GARIN6: variants seen among roughly 807,000 people sequenced by gnomAD.
GARIN6 encodes the protein golgi associated RAB2 interactor family member 6.
chr12:99,649,808 TCTCTCTGCTACTCAAAGGCTGA>T, the GARIN6 span: 2,822 of 157,844 alleles, frequency 0.018, 87 homozygotes, highest in African/African-American at 0.064. Context: ...ATTGACAGTA[TCTCTCTGCTACTCAAAGGCTGA>T]CTCTCTGCTA....
chr12:99,648,771 A>C, the GARIN6 span: 1 of 1,611,444 alleles, frequency 6.2e-7, no homozygotes, highest in Non-Finnish European at 8.5e-7. Context: ...TGTTGGAGGA[A>C]GTGCAGAGGA....
the GARIN6 span, chr12:99,648,898 G>C: frequency 7.0e-7 from 1 of 1,419,872 alleles, no homozygotes; most frequent in Non-Finnish European, 9.3e-7. Context: ...CATTGCATTT[G>C]GAAGGTCTGA....
At chr12:99,648,094 C>G in the GARIN6 span, 1 of 1,530,026 alleles carries the variant, frequency 6.5e-7, no homozygotes, top group Non-Finnish European at 8.8e-7. Flanking sequence ...CCAGAGTAGC[C>G]AAGGAAACAG....
the GARIN6 span, chr12:99,648,727 G>T: frequency 6.2e-7 from 1 of 1,613,916 alleles, no homozygotes; most frequent in Non-Finnish European, 8.5e-7. Context: ...TGATACCAGG[G>T]CTATCCTAGC....
chr12:99,647,924 G>A, the GARIN6 span: 2 of 495,662 alleles, frequency 4.0e-6, no homozygotes, highest in Non-Finnish European at 7.1e-6. Flanking sequence ...CAACACCTGT[G>A]CTCCTGACAG....
chr12:99,648,422 CTGA>C, the GARIN6 span: 1 of 1,614,192 alleles, frequency 6.2e-7, no homozygotes, highest in East Asian at 2.2e-5. Flanking sequence ...CTCACACTAC[CTGA>C]TGTCATGCTG....
the GARIN6 span, chr12:99,648,141 A>T: frequency 6.3e-7 from 1 of 1,584,342 alleles, no homozygotes; most frequent in South Asian, 1.1e-5. Flanking sequence ...GGTGTGGAGC[A>T]GCTGCTGGGA....
the GARIN6 span, chr12:99,649,567 G>A: frequency 1.7e-6 from 1 of 580,434 alleles, no homozygotes; most frequent in East Asian, 2.9e-5. Flanking sequence ...AGACTCAGGA[G>A]AGAAACACAG....
chr12:99,648,380 T>C, the GARIN6 span: 3 of 1,613,948 alleles, frequency 1.9e-6, no homozygotes, highest in Admixed American at 3.3e-5. Context: ...GCCCGAATGG[T>C]AACAATGGGC....
the GARIN6 span, chr12:99,649,388 T>C: frequency 2.5e-6 from 4 of 1,613,100 alleles, no homozygotes; most frequent in African/African-American, 2.7e-5. Context: ...GATTATACAA[T>C]AGAGATATGA....
At chr12:99,648,410 G>T in the GARIN6 span, 1 of 1,614,144 alleles carries the variant, frequency 6.2e-7, no homozygotes, top group Non-Finnish European at 8.5e-7. Flanking sequence ...ACCAGCCCCT[G>T]CCTCACACTA....
chr12:99,648,591 C>T, the GARIN6 span: 3 of 1,614,194 alleles, frequency 1.9e-6, no homozygotes, highest in Admixed American at 1.7e-5. Flanking sequence ...AACAGCTCCA[C>T]CTGAAGCTTG....
At chr12:99,648,398 G>T in the GARIN6 span, 1 of 1,614,126 alleles carries the variant, frequency 6.2e-7, no homozygotes, top group Non-Finnish European at 8.5e-7. Flanking sequence ...GGCATCGTTC[G>T]CACCAGCCCC....
At chr12:99,647,905 C>G in the GARIN6 span, 25 of 436,968 alleles carry the variant, frequency 5.7e-5, no homozygotes, top group East Asian at 8.6e-4. Flanking sequence ...CGGACATCCA[C>G]GAGGGCCCCA....
the GARIN6 span, chr12:99,648,323 T>G: frequency 6.2e-7 from 1 of 1,614,060 alleles, no homozygotes; most frequent in South Asian, 1.1e-5. Flanking sequence ...GAGAGCGACT[T>G]TATCCAGATC....
At chr12:99,649,218 T>G in the GARIN6 span, 1 of 1,193,014 alleles carries the variant, frequency 8.4e-7, no homozygotes, top group South Asian at 1.3e-5. Flanking sequence ...TTCTTTTTGT[T>G]GTTTACCTAT....
chr12:99,648,807 C>A, the GARIN6 span: 5 of 1,596,836 alleles, frequency 3.1e-6, no homozygotes, highest in Non-Finnish European at 3.4e-6. Context: ...TATGCAGAGA[C>A]TAGATGGGGC....
the GARIN6 span, chr12:99,648,578 A>C: frequency 6.2e-7 from 1 of 1,614,170 alleles, no homozygotes; most frequent in African/African-American, 1.3e-5. Flanking sequence ...AACAGCGTAA[A>C]AAAACAGCTC....
chr12:99,648,368 G>C, the GARIN6 span: 1,284 of 1,614,088 alleles, frequency 8.0e-4, 7 homozygotes, highest in African/African-American at 0.016. Flanking sequence ...GTGCACAACC[G>C]TGCCCGAATG....
Sources: gnomAD v4.1 joint callset for allele counts on GRCh38, gnomAD v4.1.1 for gene constraint, MANE v1.5 for transcripts, NCBI Gene and HGNC (gene_info 2026-07-23, HGNC 2026-07-21) for gene names.